Variants in NRXN3 observed in about 807,000 individuals in gnomAD.
The protein encoded by NRXN3 is neurexin 3.
NRXN3 carries 32 observed loss-of-function variants against 137.6 expected under a neutral mutation model. The ratio of observed to expected loss-of-function variants is 0.23; its 90% CI spans 0.18 to 0.31. NRXN3 has a LOEUF of 0.31. NRXN3 is among the 10% of genes least tolerant of loss of function. The pLI is 1.00. For synonymous variants in NRXN3, 798 were observed against 784.5 expected (o/e 1.02, Z -0.29); for missense variants, 1,574 against 2,062.5 (o/e 0.76, Z 4.59).
intron 16 of NRXN3, among the ~76,000 whole-genome samples, chr14:79,595,864 G>A (rs1397612900): frequency 2.0e-5 from 3 of 152,180 alleles, no homozygotes; most frequent in Non-Finnish European, 4.4e-5. Context: ...CTCTTGGACA[G>A]TGCTGAGCTA....
At chr14:78,771,792 C>G (rs74459863) in intron 8 of NRXN3, among the ~76,000 whole-genome samples, 233 of 152,310 alleles carry the variant, frequency 1.5e-3, no homozygotes, top group African/African-American at 5.6e-3. Flanking sequence ...TGCAAAGAGA[C>G]AGCTGTGCCC....
chr14:78,368,622 G>T (rs961684211), intron 4 of NRXN3, among the ~76,000 whole-genome samples: 4 of 152,174 alleles, frequency 2.6e-5, no homozygotes, highest in Non-Finnish European at 5.9e-5. Flanking sequence ...TTGAATCCAG[G>T]AGGTGGAGGT....
intron 4 of NRXN3, among the ~76,000 whole-genome samples, chr14:78,393,912 G>A (rs975018282): frequency 7.9e-5 from 12 of 151,894 alleles, no homozygotes; most frequent in Non-Finnish European, 1.0e-4. Flanking sequence ...TGTTCATATA[G>A]AGGAATACAA....
intron 15 of NRXN3, among the ~76,000 whole-genome samples, chr14:79,191,907 C>G (rs189606323): frequency 6.6e-6 from 1 of 152,066 alleles, no homozygotes; most frequent in African/African-American, 2.4e-5. Flanking sequence ...CTAAGAAAAT[C>G]TCAAATAGAG....
intron 4 of NRXN3, among the ~76,000 whole-genome samples, chr14:78,500,275 T>C (rs1266472727): frequency 6.6e-6 from 1 of 152,174 alleles, no homozygotes; most frequent in Non-Finnish European, 1.5e-5. Context: ...CCCTTATAAA[T>C]AGAAACCTGT....
chr14:79,257,999 G>T (rs1037186194), intron 15 of NRXN3, among the ~76,000 whole-genome samples: 9 of 152,040 alleles, frequency 5.9e-5, no homozygotes, highest in African/African-American at 1.9e-4. Flanking sequence ...TTGAATCCCA[G>T]TGGTAAAGGA....
At chr14:78,404,457 C>T (rs1038994192) in intron 4 of NRXN3, among the ~76,000 whole-genome samples, 3 of 152,076 alleles carry the variant, frequency 2.0e-5, no homozygotes, top group African/African-American at 7.2e-5. Context: ...TTGCCTGCAG[C>T]CTCCCAATTT....
intron 15 of NRXN3, among the ~76,000 whole-genome samples, chr14:79,168,219 GATAAT>G (rs2061454961): frequency 6.6e-6 from 1 of 151,926 alleles, no homozygotes; most frequent in Non-Finnish European, 1.5e-5. Flanking sequence ...ATTGGCAGGG[GATAAT>G]ACAGGATGGA....
intron 15 of NRXN3, among the ~76,000 whole-genome samples, chr14:79,251,656 T>C (rs529421656): frequency 1.3e-5 from 2 of 152,178 alleles, no homozygotes; most frequent in Admixed American, 6.5e-5. Context: ...TCACAGGTGG[T>C]GAACAATACC....
chr14:78,325,042 C>T (rs1028189844), intron 4 of NRXN3, among the ~76,000 whole-genome samples: 6 of 151,868 alleles, frequency 4.0e-5, no homozygotes, highest in Middle Eastern at 3.4e-3. Flanking sequence ...GACAGGAGGC[C>T]GAGGCAGGTA....
chr14:78,197,704 A>G (rs1409621999), intron 1 of NRXN3, among the ~76,000 whole-genome samples: 1 of 152,206 alleles, frequency 6.6e-6, no homozygotes, highest in African/African-American at 2.4e-5. Context: ...TGACCCTGAC[A>G]TGCCCCTCCA....
At chr14:79,412,122 TA>T (rs1174808892) in intron 15 of NRXN3, among the ~76,000 whole-genome samples, 1 of 152,048 alleles carries the variant, frequency 6.6e-6, no homozygotes, top group Non-Finnish European at 1.5e-5. Context: ...GAGTGAAATG[TA>T]AAAAGTGCTG....
At chr14:79,142,937 C>T (rs2078904150) in intron 15 of NRXN3, among the ~76,000 whole-genome samples, 1 of 152,070 alleles carries the variant, frequency 6.6e-6, no homozygotes, top group South Asian at 2.1e-4. Flanking sequence ...TAACTGTAGC[C>T]ATAACTAAGG....
chr14:79,745,334 C>T (rs911427023), intron 19 of NRXN3, among the ~76,000 whole-genome samples: 1 of 152,128 alleles, frequency 6.6e-6, no homozygotes, highest in Non-Finnish European at 1.5e-5. Context: ...ACAATAATAG[C>T]TCTTCTTCTA....
intron 19 of NRXN3, among the ~76,000 whole-genome samples, chr14:79,698,367 A>T (rs553960073): frequency 1.3e-5 from 2 of 152,102 alleles, no homozygotes; most frequent in South Asian, 4.1e-4. Context: ...ATCTTTCATT[A>T]TTGAGGTCAA....
At chr14:78,508,248 A>G (rs1320327363) in intron 4 of NRXN3, among the ~76,000 whole-genome samples, 3 of 152,210 alleles carry the variant, frequency 2.0e-5, no homozygotes, top group African/African-American at 7.2e-5. Flanking sequence ...GTAACGAGGT[A>G]GACTCCATTT....
At chr14:79,854,001 G>T in intron 20 of NRXN3, 1 of 985,374 alleles carries the variant, frequency 1.0e-6, no homozygotes, top group Non-Finnish European at 1.2e-6. Context: ...ATGTTATGTG[G>T]TGTGGATGTA....
intron 3 of NRXN3, among the ~76,000 whole-genome samples, chr14:78,279,102 T>C (rs1393657883): frequency 6.6e-6 from 1 of 152,244 alleles, no homozygotes; most frequent in Non-Finnish European, 1.5e-5. Flanking sequence ...GGAGGTTTCT[T>C]TCTTTTTATT....
chr14:78,222,720 C>T (rs912264076), intron 1 of NRXN3, among the ~76,000 whole-genome samples: 5 of 152,078 alleles, frequency 3.3e-5, no homozygotes, highest in African/African-American at 1.2e-4. Context: ...AGAGGCTCTA[C>T]AAGAAAGGTG....
Sources: gnomAD v4.1 joint callset for allele counts (sites outside exome capture counted in the v4.1 genomes callset) on GRCh38, gnomAD v4.1.1 for gene constraint, MANE v1.5 for transcripts, NCBI Gene and HGNC (gene_info 2026-07-23, HGNC 2026-07-21) for gene names.